MACROD2: variants seen among roughly 807,000 people sequenced by gnomAD.
MACROD2 encodes the protein mono-ADP ribosylhydrolase 2.
In MACROD2, 36 loss-of-function variants were observed where a neutral mutation model predicts 70.4. The ratio of observed to expected loss-of-function variants is 0.51; its 90% confidence interval spans 0.39 to 0.68. The LOEUF is 0.68. MACROD2 is among the 30% of genes least tolerant of loss of function. The pLI, the probability that MACROD2 is intolerant of heterozygous loss-of-function variation, is 0.00. For missense variants in MACROD2, 496 were observed against 538.4 expected (o/e 0.92, Z 0.78); for synonymous variants, 172 against 178.8 (o/e 0.96, Z 0.30).
At position 15,061,398 on chromosome 20, in the gene MACROD2, C is replaced by T. The variant is rs8116193; in HGVS notation, c.419-168542C>T. Among the ~76,000 whole-genome samples the T allele has an allele frequency of 5.4e-3, 820 of 152,292 alleles. 5 individuals carry two copies. The highest frequency in any genetic ancestry group is 0.018 in the African/African-American group (737 of 41,558). ...AATAAGGAATCAGTGGATACCTACC[C>T]GAGTGTGTGCCCTAGTCTGTCTCCC... On this transcript the variant is annotated intron_variant, in intron 5 of 17. Transcript: ENST00000684519.
chr20:14,745,175 T>C (rs1012300592), intron 5 of MACROD2, among the ~76,000 whole-genome samples: 1 of 152,176 alleles, frequency 6.6e-6, no homozygotes, highest in Non-Finnish European at 1.5e-5. Context: ...TTGAGTACCT[T>C]GACTTGTACT....
intron 6 of MACROD2, among the ~76,000 whole-genome samples, chr20:15,258,847 G>T (rs146205879): frequency 6.6e-6 from 1 of 152,020 alleles, no homozygotes; most frequent in Non-Finnish European, 1.5e-5. Flanking sequence ...TTCAAGGAAC[G>T]TTTGCAGAGC....
At chr20:15,957,425 G>A (rs1431429049) in intron 12 of MACROD2, among the ~76,000 whole-genome samples, 1 of 152,064 alleles carries the variant, frequency 6.6e-6, no homozygotes, top group Admixed American at 6.5e-5. Flanking sequence ...ACAAATAGAG[G>A]TTTACCTTTA....
intron 5 of MACROD2, among the ~76,000 whole-genome samples, chr20:15,048,459 T>C (rs540812367): frequency 2.7e-5 from 4 of 146,602 alleles, no homozygotes; most frequent in African/African-American, 4.9e-5. Context: ...TTTTTACTTT[T>C]CTGTAAAAAA....
At chr20:15,518,777 T>C (rs1170773363) in intron 8 of MACROD2, among the ~76,000 whole-genome samples, 1 of 152,172 alleles carries the variant, frequency 6.6e-6, no homozygotes, top group Non-Finnish European at 1.5e-5. Context: ...GGCAGGAGGA[T>C]TGCTTGAGGC....
intron 3 of MACROD2, among the ~76,000 whole-genome samples, chr20:14,461,785 T>C (rs1426503285): frequency 6.6e-6 from 1 of 151,960 alleles, no homozygotes; most frequent in African/African-American, 2.4e-5. Context: ...GGTAGTTTGC[T>C]GAGAATGAGG....
intron 4 of MACROD2, among the ~76,000 whole-genome samples, chr20:14,677,342 C>G (rs2070874298): frequency 6.6e-6 from 1 of 152,182 alleles, no homozygotes; most frequent in Non-Finnish European, 1.5e-5. Context: ...CAATTCCCCT[C>G]AAGCATAACT....
chr20:14,662,774 A>C (rs2123538684), intron 4 of MACROD2, among the ~76,000 whole-genome samples: 1 of 152,022 alleles, frequency 6.6e-6, no homozygotes, highest in East Asian at 1.9e-4. Flanking sequence ...ACAAATGAAA[A>C]CCACAATGAG....
chr20:14,805,301 A>G (rs1296356849), intron 5 of MACROD2, among the ~76,000 whole-genome samples: 1 of 152,058 alleles, frequency 6.6e-6, no homozygotes, highest in Non-Finnish European at 1.5e-5. Flanking sequence ...ATTAGAATTC[A>G]GTTTAATTGA....
chr20:14,167,865 C>G (rs2081185304), intron 3 of MACROD2, among the ~76,000 whole-genome samples: 3 of 152,084 alleles, frequency 2.0e-5, no homozygotes, highest in African/African-American at 7.2e-5. Context: ...GTCTTAGGAG[C>G]TGCTAACTCT....
chr20:15,816,094 T>C (rs2147095154), intron 8 of MACROD2, among the ~76,000 whole-genome samples: 1 of 152,146 alleles, frequency 6.6e-6, no homozygotes, highest in East Asian at 1.9e-4. Flanking sequence ...ATTATATGTA[T>C]ATAATACATA....
intron 3 of MACROD2, among the ~76,000 whole-genome samples, chr20:14,422,146 T>A (rs1257823962): frequency 6.6e-6 from 1 of 152,138 alleles, no homozygotes; most frequent in Non-Finnish European, 1.5e-5. Flanking sequence ...CTTTTATCAG[T>A]ATATAATGTG....
At chr20:15,704,160 A>ATTTT (rs1024171380) in intron 8 of MACROD2, among the ~76,000 whole-genome samples, 5 of 151,758 alleles carry the variant, frequency 3.3e-5, no homozygotes, top group African/African-American at 1.2e-4. Context: ...TTATTTATTT[A>ATTTT]TTTATTTAAT....
At chr20:14,165,621 G>A (rs2055256638) in intron 3 of MACROD2, among the ~76,000 whole-genome samples, 1 of 152,146 alleles carries the variant, frequency 6.6e-6, no homozygotes, top group South Asian at 2.1e-4. Context: ...GAGAAATAAT[G>A]GAGATACTTA....
intron 3 of MACROD2, among the ~76,000 whole-genome samples, chr20:14,320,217 TG>T (rs1230992282): frequency 6.6e-6 from 1 of 152,218 alleles, no homozygotes; most frequent in Admixed American, 6.5e-5. Flanking sequence ...TTACCTGTGC[TG>T]AAAATCTTCA....
intron 5 of MACROD2, among the ~76,000 whole-genome samples, chr20:14,806,614 G>C (rs373379665): frequency 6.6e-6 from 1 of 152,068 alleles, no homozygotes; most frequent in African/African-American, 2.4e-5. Context: ...CTGGAAAGGG[G>C]GCTGAAGCCA....
At chr20:14,551,707 A>G (rs996852415) in intron 4 of MACROD2, among the ~76,000 whole-genome samples, 1 of 152,210 alleles carries the variant, frequency 6.6e-6, no homozygotes, top group Non-Finnish European at 1.5e-5. Flanking sequence ...TGGAAAAGGA[A>G]TATATAAGAA....
intron 4 of MACROD2, among the ~76,000 whole-genome samples, chr20:14,643,274 CTT>C (rs1198645998): frequency 6.6e-6 from 1 of 152,136 alleles, no homozygotes; most frequent in East Asian, 1.9e-4. Flanking sequence ...ATTGCAGTCT[CTT>C]AACATTATTA....
At chr20:15,541,710 A>C (rs998915103) in intron 8 of MACROD2, among the ~76,000 whole-genome samples, 4 of 152,216 alleles carry the variant, frequency 2.6e-5, no homozygotes, top group African/African-American at 9.6e-5. Flanking sequence ...TGTTTTTCAT[A>C]TGCATAACTC....
Sources: gnomAD v4.1 joint callset for allele counts (sites outside exome capture counted in the v4.1 genomes callset) on GRCh38, gnomAD v4.1.1 for gene constraint, MANE v1.5 for transcripts, NCBI Gene and HGNC (gene_info 2026-07-23, HGNC 2026-07-21) for gene names.